Variants in PPP5C observed in about 807,000 individuals in gnomAD.
The protein encoded by PPP5C is serine/threonine-protein phosphatase 5.
In PPP5C, 21 loss-of-function variants were observed where a neutral mutation model predicts 66.7. The ratio of observed to expected loss-of-function variants is 0.31; its 90% CI spans 0.22 to 0.45. The LOEUF (loss-of-function observed/expected upper bound fraction) is 0.45. Among genes scored for constraint, PPP5C ranks in the 20% least tolerant of loss-of-function variants. The pLI is 1.00. For missense variants in PPP5C, 464 were observed against 675.9 expected (o/e 0.69, Z 3.48); for synonymous variants, 246 against 257.4 (o/e 0.96, Z 0.43).
intron 1 of PPP5C, among the ~76,000 whole-genome samples, chr19:46,350,249 C>T (rs1043247891): frequency 1.3e-5 from 2 of 152,160 alleles, no homozygotes; most frequent in South Asian, 2.1e-4. Context: ...AGGAGGCTGA[C>T]TTGGCAGAAT....
Position 46,373,543 on chromosome 19 carries a change from C to T in PPP5C, c.364-2061C>T, listed in dbSNP as rs541291789. ...ATTCCCACTCCCTTTCTCCTCCCTG[C>T]GCTGTCATTGTTTGCCTTCATCTGC... On this transcript the variant is annotated intron_variant, in intron 2 of 12. Transcript: ENST00000012443. Among the ~76,000 whole-genome samples the T allele has an allele frequency of 3.5e-4, 53 of 152,336 alleles. No individual in the cohort carries two copies. The East Asian group carries it at 5.2e-3, about 15-fold the overall frequency.
At chr19:46,353,688 C>G in intron 1 of PPP5C, 60 bp from the exon 2 acceptor site, 1 of 1,604,976 alleles carries the variant, frequency 6.2e-7, no homozygotes, top group Admixed American at 1.7e-5. Flanking sequence ...GTCACCCAGC[C>G]CAGGGCCTGT....
chr19:46,390,635 GTGGCTGCCCTGCCCCCCTCATTTGCA>G lies in PPP5C; in HGVS notation c.*295_*320del, dbSNP rs1973003763. ...CGTCCTCGGGGTGGGGTGGGGCCGA[GTGGCTGCCCTGCCCCCCTCATTTGCA>G]TGGCTCCTCCCCCACTCAAGCAATA... On this transcript the variant is annotated 3_prime_UTR_variant, in exon 13 of 13. Coordinates refer to ENST00000012443, the MANE Select transcript of PPP5C (RefSeq NM_006247.4). The G allele has an allele frequency of 7.7e-7, 1 of 1,300,416 alleles. No individual in the cohort carries two copies. The highest frequency in any genetic ancestry group is 9.9e-7 in the Non-Finnish European group (1 of 1,013,422). 80.6% of individuals were successfully genotyped at this position (1,300,416 alleles called of 1,614,324 possible).
rs372917054 is a variant in PPP5C, at chr19:46,356,141, A to G, written c.363+2152A>G. Reference sequence around the variant, plus strand: ...CTGAGCTGTGTCCCAGGCCTGGCGGATGGCAGGGAGGGTTGAGGGGGTGGG... The same window carrying G: ...CTGAGCTGTGTCCCAGGCCTGGCGGGTGGCAGGGAGGGTTGAGGGGGTGGG... On this transcript the variant is annotated intron_variant, in intron 2 of 12. Transcript: ENST00000012443. Among the ~76,000 whole-genome samples the G allele has an allele frequency of 4.2e-3, 645 of 152,286 alleles. 4 individuals carry two copies. The highest frequency in any genetic ancestry group is 7.1e-3 in the South Asian group (34 of 4,822).
Position 46,390,726 on chromosome 19 carries a change from A to C in PPP5C, c.*380A>C. The stretch of plus-strand genomic sequence containing the variant: ...GAAGACCCCCAGAGAGAGGGTCAGC[A>C]GGGGGGCCCCGCCTGCGCCTCCCCT... On this transcript the variant is annotated 3_prime_UTR_variant, in exon 13 of 13. Transcript: ENST00000012443. 1 of 1,149,292 alleles carries C rather than the reference A, an allele frequency of 8.7e-7. No individual in the cohort carries two copies. Among genetic ancestry groups the C allele is most frequent in the Non-Finnish European group, 1.1e-6 (1 of 923,838 alleles). The allele number at this position is 1,149,292 out of a possible 1,614,324, so 71.2% of individuals were successfully genotyped here.
At position 46,390,663 on chromosome 19, in the gene PPP5C, G is replaced by T; in HGVS notation, c.*317G>T. ...GCTGCCCTGCCCCCCTCATTTGCAT[G>T]GCTCCTCCCCCACTCAAGCAATAGG... is the stretch of plus-strand genomic sequence containing the variant. On this transcript the variant is annotated 3_prime_UTR_variant, in exon 13 of 13. Coordinates refer to ENST00000012443, the MANE Select transcript of PPP5C (RefSeq NM_006247.4). The T allele has an allele frequency of 8.0e-7, 1 of 1,253,648 alleles. No individual in the cohort carries two copies. Among genetic ancestry groups the T allele is most frequent in the Non-Finnish European group, 1.0e-6 (1 of 984,680 alleles). 77.7% of individuals were successfully genotyped at this position (1,253,648 alleles called of 1,614,324 possible). A position where few individuals can be genotyped will look rare whatever the true frequency, so the allele number is the denominator to read the frequency against.
intron 2 of PPP5C, among the ~76,000 whole-genome samples, chr19:46,365,877 C>G (rs1194666205): frequency 6.6e-6 from 1 of 152,182 alleles, no homozygotes; most frequent in Admixed American, 6.5e-5. Context: ...CCACCAGTGC[C>G]AGAATGCCAG....
rs142698231 is a variant in PPP5C, at chr19:46,357,794, G to A, written c.363+3805G>A. On this transcript the variant is annotated intron_variant, in intron 2 of 12. Transcript: ENST00000012443. ...GTGGGATGGAGTGCAGAGCTTCCGC[G>A]CCCTCTCCTGGAGCACCACTCTTCA... Among the ~76,000 whole-genome samples, 13 of 152,320 alleles carry A rather than the reference G, an allele frequency of 8.5e-5. No homozygotes were observed. The South Asian group carries it at 1.5e-3, about 17-fold the overall frequency.
In PPP5C at chr19:46,353,003, G is replaced by A. The variant is rs374526544; in HGVS notation, c.122-745G>A. 5.9e-5 allele frequency among the ~76,000 whole-genome samples: 9 copies of A among 152,260 alleles called. No individual in the cohort carries two copies. In the East Asian group the frequency reaches 1.7e-3, roughly 29 times the overall value. ...GCCCTGCATGGCTCTGGTACATCAC[G>A]GCCCCCAGTGGGGACAAGCCTCTAA... On this transcript the variant is annotated intron_variant, in intron 1 of 12. Transcript: ENST00000012443.
intron 2 of PPP5C, among the ~76,000 whole-genome samples, chr19:46,360,576 C>T (rs1203957760): frequency 6.6e-6 from 1 of 151,994 alleles, no homozygotes; most frequent in Non-Finnish European, 1.5e-5. Context: ...TCTTGGCTCA[C>T]TGCAACCACG....
At position 46,369,519 on chromosome 19, in the gene PPP5C, C is replaced by T. The variant is rs181776296; in HGVS notation, c.364-6085C>T. Among the ~76,000 whole-genome samples the T allele has an allele frequency of 2.0e-4, 30 of 151,944 alleles. No homozygotes were observed. The East Asian group carries it at 5.2e-3, about 26-fold the overall frequency. ...TGGTGGCAGGTGCCTGTAGTCCTAG[C>T]CACTCTGGGGGCTGAGGCAGGAGAA... On this transcript the variant is annotated intron_variant, in intron 2 of 12. Coordinates refer to ENST00000012443, the MANE Select transcript of PPP5C (RefSeq NM_006247.4).
chr19:46,369,922 T>G (rs1972557352), intron 2 of PPP5C, among the ~76,000 whole-genome samples: 1 of 39,418 alleles, frequency 2.5e-5, no homozygotes, highest in African/African-American at 1.2e-4. Flanking sequence ...CGAGACTCCG[T>G]CTGGAAAAAA....
At chr19:46,348,554 TCCGCC>T (rs1312338201) in intron 1 of PPP5C, among the ~76,000 whole-genome samples, 1 of 152,078 alleles carries the variant, frequency 6.6e-6, no homozygotes, top group Non-Finnish European at 1.5e-5. Context: ...CCGCAGGTGA[TCCGCC>T]CATCTCGGCC....
chr19:46,389,155 C>T (rs1302152757), intron 11 of PPP5C, among the ~76,000 whole-genome samples: 1 of 152,078 alleles, frequency 6.6e-6, no homozygotes, highest in East Asian at 1.9e-4. Context: ...GAAACCCCAT[C>T]TCTACTAAAA....
At chr19:46,357,322 A>T (rs188199977) in intron 2 of PPP5C, among the ~76,000 whole-genome samples, 47 of 152,340 alleles carry the variant, frequency 3.1e-4, no homozygotes, top group Admixed American at 1.0e-3. Flanking sequence ...GGCTGGGCTT[A>T]CAAGCATGAG....
At chr19:46,368,225 C>T (rs930044138) in intron 2 of PPP5C, among the ~76,000 whole-genome samples, 2 of 152,224 alleles carry the variant, frequency 1.3e-5, no homozygotes, top group Admixed American at 6.5e-5. Context: ...ATGCAGAAGA[C>T]GGCTGCATCC....
intron 2 of PPP5C, among the ~76,000 whole-genome samples, chr19:46,355,395 G>A (rs576700426): frequency 2.7e-5 from 4 of 150,534 alleles, no homozygotes; most frequent in Non-Finnish European, 5.9e-5. Context: ...GCAGTTGGTC[G>A]CGGGGCTGAG....
chr19:46,384,804 A>G lies in PPP5C; in HGVS notation c.799A>G (p.Ile267Val). ...NGLPSETNPYIFNGDFVDRGS... is the reference protein window; with the variant it reads ...NGLPSETNPYVFNGDFVDRGS... ...TGCCATGTTTTCCTCAGCAGGACAGATATTTAATGGTGACTTTGTGGACCG... is the reference window on the plus strand; with the variant it reads ...TGCCATGTTTTCCTCAGCAGGACAGGTATTTAATGGTGACTTTGTGGACCG... Residue 267 changes from isoleucine (I) to valine (V), a missense_variant and splice_region_variant, in exon 7 of 13, where the codon ATA (isoleucine) becomes GTA (valine). Around this residue, in one of 2 missense-constraint regions of PPP5C, gnomAD observed 387 missense variants for 626.0 expected, o/e 0.62. Transcript: ENST00000012443. 1.9e-6 allele frequency: 3 copies of G among 1,612,498 alleles called. No homozygotes were observed. Among genetic ancestry groups the G allele is most frequent in the Non-Finnish European group, 2.5e-6 (3 of 1,178,584 alleles).
At chr19:46,384,989 GC>G in intron 7 of PPP5C, 80 bp downstream of exon 7, 1 of 1,146,704 alleles carries the variant, frequency 8.7e-7, no homozygotes, top group Non-Finnish European at 1.3e-6. Context: ...AATAGTTGCA[GC>G]TGTATTTATT....
Sources: gnomAD v4.1 joint callset for allele counts (sites outside exome capture counted in the v4.1 genomes callset) on GRCh38, gnomAD v4.1.1 for gene constraint, gnomAD v4.1.1 regional missense constraint, MANE v1.5 for transcripts, NCBI Gene and HGNC (gene_info 2026-07-23, HGNC 2026-07-21) for gene names.